The following OPCML variants were observed in gnomAD, a reference collection of about 807,000 sequenced individuals.
OPCML encodes the protein opioid binding protein/cell adhesion molecule like, also known as opioid-binding protein/cell adhesion molecule.
Under a neutral mutation model 37.8 loss-of-function variants are expected in OPCML, and 13 were observed. The observed-to-expected ratio is 0.34, with a 90% CI of 0.22 to 0.55. The LOEUF (loss-of-function observed/expected upper bound fraction) is 0.55. Ranked by LOEUF, OPCML falls within the 20% of genes least tolerant of loss-of-function variation. The probability of loss-of-function intolerance (pLI) is 0.91; values close to 1 mark genes in which losing one functional copy is unlikely to be tolerated. For missense variants in OPCML, 341 were observed against 435.6 expected (o/e 0.78, Z 1.93); for synonymous variants, 176 against 168.8 (o/e 1.04, Z -0.33).
At chr11:133,459,523 T>C (rs1297256266) in intron 1 of OPCML, among the ~76,000 whole-genome samples, 4 of 152,008 alleles carry the variant, frequency 2.6e-5, no homozygotes, top group African/African-American at 9.7e-5. Flanking sequence ...AGTGAAAATA[T>C]GGGAAAAGGT....
chr11:133,358,266 G>T (rs1295866323), intron 1 of OPCML, among the ~76,000 whole-genome samples: 2 of 152,044 alleles, frequency 1.3e-5, no homozygotes, highest in Non-Finnish European at 1.5e-5. Context: ...TGTTGGTTTT[G>T]TTTCCCCTAG....
chr11:132,760,980 G>T (rs996843911), intron 2 of OPCML, among the ~76,000 whole-genome samples: 1 of 152,144 alleles, frequency 6.6e-6, no homozygotes, highest in Non-Finnish European at 1.5e-5. Flanking sequence ...AGGAGCTCTT[G>T]TAAGGCAGGC....
chr11:133,286,363 G>A (rs1212047594), intron 1 of OPCML, among the ~76,000 whole-genome samples: 2 of 151,512 alleles, frequency 1.3e-5, no homozygotes, highest in African/African-American at 2.4e-5. Flanking sequence ...CCAGCTACTC[G>A]GGAGGTTGAG....
At chr11:132,624,461 G>A (rs1187490627) in intron 3 of OPCML, among the ~76,000 whole-genome samples, 1 of 151,962 alleles carries the variant, frequency 6.6e-6, no homozygotes, top group Non-Finnish European at 1.5e-5. Context: ...GTGATATCAC[G>A]CACCTCATAC....
At chr11:133,517,848 G>T (rs78678449) in intron 1 of OPCML, among the ~76,000 whole-genome samples, 2 of 152,188 alleles carry the variant, frequency 1.3e-5, no homozygotes, top group Admixed American at 6.5e-5. Flanking sequence ...GGGGGTACTC[G>T]TGACCACTGT....
At chr11:132,579,099 T>A (rs925767552) in intron 3 of OPCML, among the ~76,000 whole-genome samples, 1 of 152,130 alleles carries the variant, frequency 6.6e-6, no homozygotes, top group African/African-American at 2.4e-5. Flanking sequence ...ACAGTAATGA[T>A]CAACTGGGGG....
intron 4 of OPCML, among the ~76,000 whole-genome samples, chr11:132,512,317 T>C (rs2096270553): frequency 6.6e-6 from 1 of 152,046 alleles, no homozygotes; most frequent in Non-Finnish European, 1.5e-5. Context: ...ACGTTAAGTA[T>C]AAACTTACTA....
intron 2 of OPCML, among the ~76,000 whole-genome samples, chr11:132,750,678 C>T (rs1487841176): frequency 9.9e-5 from 15 of 152,046 alleles, no homozygotes; most frequent in African/African-American, 1.7e-4. Context: ...TACAAATCCA[C>T]GTACGATATT....
chr11:133,341,506 C>T (rs1317957308), intron 1 of OPCML, among the ~76,000 whole-genome samples: 2 of 152,220 alleles, frequency 1.3e-5, no homozygotes, highest in South Asian at 2.1e-4. Flanking sequence ...AAGGTGAAAA[C>T]ACAATGCTCA....
At chr11:133,461,942 C>T (rs184555003) in intron 1 of OPCML, among the ~76,000 whole-genome samples, 85 of 151,846 alleles carry the variant, frequency 5.6e-4, no homozygotes, top group African/African-American at 1.8e-3. Flanking sequence ...TTTAAACCAA[C>T]GGAGTAGAAC....
intron 1 of OPCML, among the ~76,000 whole-genome samples, chr11:133,045,895 G>C (rs1591947482): frequency 6.6e-6 from 1 of 152,184 alleles, no homozygotes; most frequent in Non-Finnish European, 1.5e-5. Flanking sequence ...ATAGTCACCT[G>C]CTTCCAATGG....
intron 4 of OPCML, among the ~76,000 whole-genome samples, chr11:132,461,480 G>T (rs1357232038): frequency 1.3e-5 from 2 of 152,098 alleles, no homozygotes; most frequent in Non-Finnish European, 2.9e-5. Flanking sequence ...CATACCTGAC[G>T]CTATACATCT....
At chr11:133,195,524 C>T (rs759626075) in intron 1 of OPCML, among the ~76,000 whole-genome samples, 2 of 152,168 alleles carry the variant, frequency 1.3e-5, no homozygotes, top group Admixed American at 1.3e-4. Context: ...TTATGACACC[C>T]AATCAAGTGC....
At position 133,174,360 on chromosome 11, in the gene OPCML, C is replaced by A. The variant is rs1311600171; in HGVS notation, c.62-231350G>T. 2.6e-5 allele frequency among the ~76,000 whole-genome samples: 4 copies of A among 152,268 alleles called. No homozygotes were observed. The highest frequency in any genetic ancestry group is 9.6e-5 in the African/African-American group (4 of 41,562). ...CAGATGAAATGGCCATTTCTAGTTT[C>A]TCAAAAGCCCCATTCCCTGTGCCTG... On this transcript the variant is annotated intron_variant, in intron 1 of 7. Coordinates refer to ENST00000524381, the MANE Select transcript of OPCML (RefSeq NM_001012393.5). The surrounding 1 kb of genome is among the most constrained non-coding windows in gnomAD (Gnocchi z 4.6).
intron 3 of OPCML, among the ~76,000 whole-genome samples, chr11:132,532,708 G>A (rs764467164): frequency 6.6e-6 from 1 of 152,066 alleles, no homozygotes; most frequent in Non-Finnish European, 1.5e-5. Context: ...TCCCCTCCCA[G>A]TACCTGCCAT....
At position 132,943,341 on chromosome 11, in the gene OPCML, G is replaced by GC; in HGVS notation, c.62-332dup. 1 of 572,546 alleles carries GC rather than the reference G, an allele frequency of 1.7e-6. No homozygotes were observed. Among genetic ancestry groups the GC allele is most frequent in the Non-Finnish European group, 3.1e-6 (1 of 327,416 alleles). The allele number at this position is 572,546 out of a possible 1,614,324, so 35.5% of individuals were successfully genotyped here. Reference sequence around the variant, plus strand: ...TGCATCCAAAAAGAGCTTTCTTGACGCTCCCCTGGGGAGGAGGGAGGCGGC... The same window carrying GC: ...TGCATCCAAAAAGAGCTTTCTTGACGCCTCCCCTGGGGAGGAGGGAGGCGGC... On this transcript the variant is annotated intron_variant, in intron 1 of 7. Coordinates refer to ENST00000524381, the MANE Select transcript of OPCML (RefSeq NM_001012393.5). This position sits in a 1 kb window ranked among gnomAD's most constrained non-coding sequence, Gnocchi z 4.3.
chr11:132,950,951 T>A (rs557031771), intron 1 of OPCML, among the ~76,000 whole-genome samples: 38 of 152,302 alleles, frequency 2.5e-4, no homozygotes, highest in African/African-American at 8.9e-4. Flanking sequence ...TCGAAGGACC[T>A]GGGTTTAAGA....
At chr11:133,333,836 G>T (rs991572666) in intron 1 of OPCML, among the ~76,000 whole-genome samples, 1 of 152,102 alleles carries the variant, frequency 6.6e-6, no homozygotes, top group Non-Finnish European at 1.5e-5. Context: ...CAAAGGACAT[G>T]AACAGACACT....
chr11:133,098,439 T>G (rs559925649), intron 1 of OPCML, among the ~76,000 whole-genome samples: 13 of 152,080 alleles, frequency 8.5e-5, no homozygotes, highest in Non-Finnish European at 1.6e-4. Context: ...ATGGTCTCGG[T>G]TTCCTGACCT....
Sources: gnomAD v4.1 joint callset for allele counts (sites outside exome capture counted in the v4.1 genomes callset) on GRCh38, gnomAD v4.1.1 for gene constraint, Gnocchi (gnomAD v3.1) non-coding constraint, MANE v1.5 for transcripts, NCBI Gene and HGNC (gene_info 2026-07-23, HGNC 2026-07-21) for gene names.